PRKDC: variants seen among roughly 807,000 people sequenced by gnomAD.
PRKDC encodes the protein protein kinase, DNA-activated, catalytic subunit.
Under a neutral mutation model 486.9 loss-of-function variants are expected in PRKDC, and 82 were observed. The observed-to-expected ratio is 0.17, with a 90% CI of 0.14 to 0.20. PRKDC has a LOEUF of 0.20. Ranked by LOEUF, PRKDC falls within the 10% of genes least tolerant of loss-of-function variation. The pLI, the probability that PRKDC is intolerant of heterozygous loss-of-function variation, is 1.00. For synonymous variants in PRKDC, 1,895 were observed against 1,837.0 expected, an observed-to-expected ratio of 1.03 and a Z score of -0.81; for missense variants, 4,504 against 5,038.2, an observed-to-expected ratio of 0.89 and a Z score of 3.21.
intron 40 of PRKDC, among the ~76,000 whole-genome samples, chr8:47,876,033 T>C (rs907576309): frequency 5.3e-5 from 8 of 152,224 alleles, no homozygotes; most frequent in Non-Finnish European, 8.8e-5. Flanking sequence ...ATTCCACTTA[T>C]ATAAAATGTC....
At chr8:47,888,372 A>G (rs2089381019) in intron 34 of PRKDC, 146 bp downstream of exon 34, 1 of 572,284 alleles carries the variant, frequency 1.7e-6, no homozygotes. Context: ...CAGATACATA[A>G]TATCTACATG....
intron 59 of PRKDC, 36 bp from the exon 60 acceptor site, chr8:47,831,962 G>T: frequency 1.9e-6 from 3 of 1,562,790 alleles, no homozygotes; most frequent in South Asian, 1.1e-5. Flanking sequence ...ACTCCCCGCC[G>T]CCCAGACACT....
At chr8:47,862,596 A>G in intron 42 of PRKDC, 55 bp from the exon 43 acceptor site, 1 of 1,500,512 alleles carries the variant, frequency 6.7e-7, no homozygotes, top group Non-Finnish European at 9.0e-7. Flanking sequence ...ATCACTGCTC[A>G]AGCCCAACAA....
intron 51 of PRKDC, 120 bp downstream of exon 51, chr8:47,853,962 TG>T: frequency 1.5e-6 from 2 of 1,304,216 alleles, no homozygotes; most frequent in Non-Finnish European, 2.1e-6. Context: ...CCACCGTGCC[TG>T]GCCCAGAAAC....
chr8:47,834,751 C>T (rs986762861), intron 58 of PRKDC, among the ~76,000 whole-genome samples: 61 of 136,104 alleles, frequency 4.5e-4, no homozygotes, highest in African/African-American at 1.3e-3. Flanking sequence ...AGTGCAGTGG[C>T]GCGATCTCGG....
At chr8:47,824,883 C>T (rs964460417) in intron 63 of PRKDC, among the ~76,000 whole-genome samples, 4 of 152,204 alleles carry the variant, frequency 2.6e-5, no homozygotes, top group Non-Finnish European at 5.9e-5. Flanking sequence ...AGGACTGCTC[C>T]CTCCTTAGTT....
intron 48 of PRKDC, 92 bp downstream of exon 48, chr8:47,858,424 T>C: frequency 8.2e-7 from 1 of 1,224,792 alleles, no homozygotes; most frequent in Non-Finnish European, 1.1e-6. Context: ...TTTTTAAGTA[T>C]ATTCATAGAA....
chr8:47,917,834 T>C (rs1174006998), intron 22 of PRKDC, among the ~76,000 whole-genome samples: 3 of 152,322 alleles, frequency 2.0e-5, no homozygotes, highest in African/African-American at 7.2e-5. Flanking sequence ...ATATAGTTTA[T>C]ATTTTCATAG....
chr8:47,881,004 G>A (rs1459585420), intron 38 of PRKDC, among the ~76,000 whole-genome samples: 3 of 150,148 alleles, frequency 2.0e-5, no homozygotes, highest in African/African-American at 7.4e-5. Flanking sequence ...CCATGATTGT[G>A]CCACTGTACT....
rs562927481 is a variant in PRKDC at position 47,873,449 on chromosome 8, C to A, written c.5363+4275G>T. On this transcript the variant is annotated intron_variant, in intron 40 of 85. Coordinates refer to ENST00000314191, the MANE Select transcript of PRKDC (RefSeq NM_006904.7). ...CAGCTACTCGGGAGGGAAGCTGAGA[C>A]AGAAGAATTACTTGCACCTGGGAGG... Among the ~76,000 whole-genome samples, 3 of 152,082 alleles carry A rather than the reference C, an allele frequency of 2.0e-5. No individual in the cohort carries two copies. In the South Asian group the frequency reaches 6.2e-4, roughly 32 times the overall value.
At chr8:47,888,814 G>C (rs1410032866) in intron 33 of PRKDC, among the ~76,000 whole-genome samples, 164 bp from the exon 34 acceptor site, 1 of 152,206 alleles carries the variant, frequency 6.6e-6, no homozygotes, top group Admixed American at 6.5e-5. Context: ...CGCTAACCAT[G>C]TCTGAAGTTT....
At chr8:47,892,587 TC>T (rs750455532) in intron 31 of PRKDC, among the ~76,000 whole-genome samples, 8 of 152,196 alleles carry the variant, frequency 5.3e-5, no homozygotes, top group Non-Finnish European at 1.2e-4. Flanking sequence ...TGCCTCGGCT[TC>T]CCAAAGTGCT....
chr8:47,794,280 T>G lies in PRKDC; in HGVS notation c.10670+10A>C. On this transcript the variant is annotated intron_variant, in intron 74 of 85. Coordinates refer to ENST00000314191, the MANE Select transcript of PRKDC (RefSeq NM_006904.7). ...TTTGATCAACCTATTCCTTCTGTAA[T>G]ATTACCTACCTTGCCACAAACTCCT... The G allele has an allele frequency of 6.3e-7, 1 of 1,599,352 alleles. No homozygotes were observed. Among genetic ancestry groups the G allele is most frequent in the Non-Finnish European group, 8.6e-7 (1 of 1,169,012 alleles).
chr8:47,894,692 A>G lies in PRKDC; in HGVS notation c.3599-1305T>C, dbSNP rs1164565643. ...GAGGGACAACCCTGCACCTGTCGTC[A>G]AGCCCTACTGATCTGGGTGTTCCTG... On this transcript the variant is annotated intron_variant, in intron 30 of 85. Transcript: ENST00000314191. Among the ~76,000 whole-genome samples the G allele has an allele frequency of 4.6e-5, 7 of 152,288 alleles. No homozygotes were observed. In the East Asian group the frequency reaches 1.2e-3, roughly 25 times the overall value.
At chr8:47,817,415 C>G in intron 68 of PRKDC, 35 bp downstream of exon 68, 1 of 1,399,100 alleles carries the variant, frequency 7.1e-7, no homozygotes. Context: ...TTTCAAAAAA[C>G]AATCCACATT....
In PRKDC at chr8:47,893,169, C is replaced by T. The variant is rs748986710; in HGVS notation, c.3817G>A (p.Glu1273Lys). ...ALECYNTFIGERTVGALQVLG... is the reference protein window; with the variant it reads ...ALECYNTFIGKRTVGALQVLG... ...ACCTGGAGCGCTCCTACAGTTCTCT[C>T]GCCAATGAACGTGTTGTAGCACTCC... Residue 1273 changes from glutamate (E) to lysine (K), a missense_variant, in exon 31 of 86, where the codon GAG (glutamate) becomes AAG (lysine). Glu to Lys is a moderately conservative substitution (Grantham distance 56). Transcript: ENST00000314191. 7 of 1,611,946 alleles carry T rather than the reference C, an allele frequency of 4.3e-6. No individual in the cohort carries two copies. The African/African-American group carries it at 6.7e-5, about 15-fold the overall frequency.
rs1394731721 is a variant in PRKDC, at chr8:47,852,798, A to C, written c.6894-14T>G. 1.5e-5 allele frequency: 22 copies of C among 1,474,056 alleles called. No individual in the cohort carries two copies. The highest frequency in any genetic ancestry group is 2.0e-5 in the Non-Finnish European group (22 of 1,079,928). 91.3% of individuals were successfully genotyped at this position (1,474,056 alleles called of 1,614,324 possible). On this transcript the variant is annotated splice_polypyrimidine_tract_variant and intron_variant, in intron 51 of 85. Transcript: ENST00000314191. ...GCCTGGAAGTATCTACAATAAACACAGAAAAGACATATGCATCAAATAAAC... is the reference window on the plus strand; with the variant it reads ...GCCTGGAAGTATCTACAATAAACACCGAAAAGACATATGCATCAAATAAAC...
intron 43 of PRKDC, 107 bp downstream of exon 43, chr8:47,862,266 C>A (rs1387379283): frequency 3.4e-5 from 47 of 1,375,478 alleles, no homozygotes; most frequent in Non-Finnish European, 4.6e-5. Flanking sequence ...ATTAAACGAA[C>A]CACATCTTTA....
At chr8:47,937,539 G>A (rs923295680) in intron 11 of PRKDC, among the ~76,000 whole-genome samples, 9 of 152,224 alleles carry the variant, frequency 5.9e-5, no homozygotes, top group Admixed American at 1.3e-4. Context: ...TCACAAATGC[G>A]CTAATGTAAT....
Sources: allele counts gnomAD v4.1 joint callset (sites outside exome capture counted in the v4.1 genomes callset), GRCh38; gene constraint gnomAD v4.1.1; transcripts MANE v1.5; gene names NCBI Gene and HGNC (gene_info 2026-07-23, HGNC 2026-07-21).